Variants in SAMD5 observed in about 807,000 individuals in gnomAD.
The protein encoded by SAMD5 is sterile alpha motif domain-containing protein 5.
A neutral mutation model predicts 11.3 loss-of-function variants in SAMD5; 13 were observed. The ratio of observed to expected loss-of-function variants is 1.15; its 90% CI spans 0.75 to 1.83. SAMD5 has a LOEUF of 1.83. SAMD5 is among the 40% of genes most tolerant of loss of function. The pLI, the probability that SAMD5 is intolerant of heterozygous loss-of-function variation, is 0.00. For missense variants in SAMD5, 255 were observed against 239.1 expected, an observed-to-expected ratio of 1.07 and a Z score of -0.44; for synonymous variants, 129 against 111.3, an observed-to-expected ratio of 1.16 and a Z score of -1.00.
chr6:147,908,145 T>A, the SAMD5 span, among the ~76,000 whole-genome samples: 4 of 152,220 alleles, frequency 2.6e-5, no homozygotes, highest in African/African-American at 9.6e-5. Flanking sequence ...CTAAGCTGTT[T>A]AAAATGTTTC....
the SAMD5 span, among the ~76,000 whole-genome samples, chr6:147,802,522 G>A: frequency 6.6e-6 from 1 of 152,292 alleles, no homozygotes. Flanking sequence ...AGTTAAACAT[G>A]CATTTAGCCT....
rs200690344 is a variant in SAMD5, at chr6:147,603,788, CA to C, written c.162+94410del. 1.7e-3 allele frequency among the ~76,000 whole-genome samples: 251 copies of C among 150,560 alleles called. 1 individual carries two copies. The highest frequency in any genetic ancestry group is 2.0e-3 in the Non-Finnish European group (137 of 67,620). On this transcript the variant is annotated intron_variant, in intron 1 of 1. Coordinates refer to the SAMD5 transcript ENST00000566741. ...ACACTCATTTCATTAAAAAACAAAA[CA>C]AAAAAAAACAACAACAACAACAAAA...
chr6:147,566,934 A>T lies in SAMD5; in HGVS notation c.*2478A>T. ...TTTCAGCGTTTTTCCTCTGTATCTAAACACCAATAATATACTTAATTTTTG... is the reference window on the plus strand; with the variant it reads ...TTTCAGCGTTTTTCCTCTGTATCTATACACCAATAATATACTTAATTTTTG... On this transcript the variant is annotated 3_prime_UTR_variant, in exon 2 of 2. Transcript: ENST00000367474. The T allele has an allele frequency of 1.8e-5, 16 of 879,418 alleles. No individual in the cohort carries two copies. The highest frequency in any genetic ancestry group is 2.2e-5 in the Non-Finnish European group (16 of 733,752). The allele number at this position is 879,418 out of a possible 1,614,324, so 54.5% of individuals were successfully genotyped here.
At chr6:147,685,365 G>T (rs1311652833) in intron 1 of SAMD5, among the ~76,000 whole-genome samples, 2 of 152,016 alleles carry the variant, frequency 1.3e-5, no homozygotes, top group Non-Finnish European at 2.9e-5. Context: ...GTAGAGACAG[G>T]ATTTCACCAT....
chr6:147,816,159 A>G, the SAMD5 span, among the ~76,000 whole-genome samples: 2 of 150,532 alleles, frequency 1.3e-5, no homozygotes, highest in East Asian at 3.9e-4. Flanking sequence ...GCGCGCCTGT[A>G]ATCTTAGCTA....
the SAMD5 span, among the ~76,000 whole-genome samples, chr6:147,872,733 T>C: frequency 3.9e-5 from 6 of 152,122 alleles, no homozygotes; most frequent in South Asian, 6.2e-4. Flanking sequence ...AAAATCCCTT[T>C]CCCATCACCT....
At chr6:147,862,527 T>C in the SAMD5 span, among the ~76,000 whole-genome samples, 1 of 152,198 alleles carries the variant, frequency 6.6e-6, no homozygotes, top group East Asian at 1.9e-4. Flanking sequence ...GGATGGACCC[T>C]GGCAGCCTCC....
intron 1 of SAMD5, among the ~76,000 whole-genome samples, chr6:147,717,554 C>T (rs140272047): frequency 2.0e-3 from 312 of 152,298 alleles, no homozygotes; most frequent in Middle Eastern, 6.8e-3. Context: ...AGGGAAGGAC[C>T]CCGCGTGTCC....
chr6:147,873,532 C>T, the SAMD5 span, among the ~76,000 whole-genome samples: 1 of 151,636 alleles, frequency 6.6e-6, no homozygotes, highest in Non-Finnish European at 1.5e-5. Flanking sequence ...AAAGAGTGAC[C>T]CAAGACATGA....
chr6:147,866,642 T>C, the SAMD5 span, among the ~76,000 whole-genome samples: 1 of 152,266 alleles, frequency 6.6e-6, no homozygotes, highest in East Asian at 1.9e-4. Context: ...AAAACAAATG[T>C]TATGAAAAAA....
chr6:147,576,496 C>T (rs963996768), intron 1 of SAMD5, among the ~76,000 whole-genome samples: 2 of 152,108 alleles, frequency 1.3e-5, no homozygotes, highest in African/African-American at 2.4e-5. Context: ...TTCCTTTATG[C>T]TCAGAGTCTG....
the SAMD5 span, among the ~76,000 whole-genome samples, chr6:147,901,906 ACTT>A: frequency 3.3e-5 from 5 of 152,124 alleles, no homozygotes; most frequent in South Asian, 1.0e-3. Flanking sequence ...AGGTAAATGA[ACTT>A]CTGAATTATT....
At chr6:147,934,695 G>C in the SAMD5 span, among the ~76,000 whole-genome samples, 6 of 152,102 alleles carry the variant, frequency 3.9e-5, no homozygotes, top group Non-Finnish European at 2.9e-5. Flanking sequence ...CTATGGACCT[G>C]TGAGATTCTG....
chr6:147,738,636 A>G (rs1385032993), downstream of SAMD5, among the ~76,000 whole-genome samples: 1 of 152,180 alleles, frequency 6.6e-6, no homozygotes, highest in Non-Finnish European at 1.5e-5. Context: ...TAATTGACAT[A>G]GGGGCCTGAA....
the SAMD5 span, among the ~76,000 whole-genome samples, chr6:147,920,066 T>C: frequency 8.1e-4 from 124 of 152,242 alleles, 1 homozygote; most frequent in Non-Finnish European, 1.5e-3. Context: ...ATGGTTACCA[T>C]TGAGCATCAA....
chr6:147,900,468 T>G, the SAMD5 span, among the ~76,000 whole-genome samples: 210 of 152,338 alleles, frequency 1.4e-3, 1 homozygote, highest in Non-Finnish European at 2.5e-3. Flanking sequence ...TGAGCAGTGC[T>G]GCGGTAGTAA....
intron 1 of SAMD5, among the ~76,000 whole-genome samples, chr6:147,519,305 T>A (rs868797106): frequency 6.6e-6 from 1 of 152,156 alleles, no homozygotes; most frequent in Non-Finnish European, 1.5e-5. Context: ...ATATGAAAAT[T>A]TACTTTAAGT....
chr6:147,594,298 C>G (rs547085216), intron 1 of SAMD5, among the ~76,000 whole-genome samples: 1 of 152,246 alleles, frequency 6.6e-6, no homozygotes, highest in South Asian at 2.1e-4. Context: ...AAGATGCGAT[C>G]AGAGTTAGGT....
At chr6:147,698,077 A>G (rs1460320112) in intron 1 of SAMD5, among the ~76,000 whole-genome samples, 2 of 152,140 alleles carry the variant, frequency 1.3e-5, no homozygotes, top group African/African-American at 4.8e-5. Context: ...AGTTCACAGT[A>G]GGGTTTGTGC....
Sources: allele counts gnomAD v4.1 joint callset (sites outside exome capture counted in the v4.1 genomes callset), GRCh38; gene constraint gnomAD v4.1.1; transcripts MANE v1.5; gene names NCBI Gene and HGNC (gene_info 2026-07-23, HGNC 2026-07-21).